The following ITSN1 variants were observed in gnomAD, a reference collection of about 807,000 sequenced individuals.
The protein encoded by ITSN1 is intersectin-1.
Under a neutral mutation model 239.8 loss-of-function variants are expected in ITSN1, and 58 were observed. The ratio of observed to expected loss-of-function variants is 0.24; its 90% confidence interval spans 0.20 to 0.30. The LOEUF is 0.30. Ranked by LOEUF, ITSN1 falls within the 10% of genes least tolerant of loss-of-function variation. The probability of loss-of-function intolerance (pLI) is 1.00; values close to 1 mark genes in which losing one functional copy is unlikely to be tolerated. For missense variants in ITSN1, 1,558 were observed against 2,103.3 expected (o/e 0.74, Z 5.07); for synonymous variants, 780 against 770.8 (o/e 1.01, Z -0.20).
At chr21:33,771,763 A>G (rs1325055520) in intron 11 of ITSN1, among the ~76,000 whole-genome samples, 1 of 152,208 alleles carries the variant, frequency 6.6e-6, no homozygotes, top group African/African-American at 2.4e-5. Context: ...TTCCTAGGGC[A>G]AGCTCATGGG....
chr21:33,688,648 G>C, intron 1 of ITSN1, among the ~76,000 whole-genome samples: 1 of 152,032 alleles, frequency 6.6e-6, no homozygotes, highest in East Asian at 1.9e-4. Context: ...AGCATGCAGA[G>C]GGAACAACAG....
chr21:33,702,318 T>C (rs2092061264), intron 1 of ITSN1, among the ~76,000 whole-genome samples: 1 of 151,988 alleles, frequency 6.6e-6, no homozygotes, highest in Non-Finnish European at 1.5e-5. Context: ...GGTTTTGCCA[T>C]GTTGGCCAGG....
chr21:33,809,428 TTC>T (rs1338969888), intron 20 of ITSN1, among the ~76,000 whole-genome samples: 2 of 152,210 alleles, frequency 1.3e-5, no homozygotes, highest in East Asian at 1.9e-4. Flanking sequence ...TTGCCTTGCA[TTC>T]TGTTTTCTCC....
At chr21:33,723,294 G>A (rs1178949590) in intron 4 of ITSN1, among the ~76,000 whole-genome samples, 1 of 152,122 alleles carries the variant, frequency 6.6e-6, no homozygotes, top group Non-Finnish European at 1.5e-5. Context: ...GAGTTAATTA[G>A]TGATACGAAG....
intron 1 of ITSN1, among the ~76,000 whole-genome samples, chr21:33,711,258 A>T (rs2092406683): frequency 6.6e-6 from 1 of 151,418 alleles, no homozygotes; most frequent in African/African-American, 2.4e-5. Context: ...ATTGATGGGG[A>T]TGCCCCTTAT....
rs570370106 is a variant in ITSN1, at chr21:33,852,016, G to A, written c.3662-4720G>A. On this transcript the variant is annotated intron_variant, in intron 29 of 39. Transcript: ENST00000381318. ...TTGCCCAGGCTGGTCATGAACTCCTGGGCTCAGGCAATCCACCCACCTCTG... is the reference window on the plus strand; with the variant it reads ...TTGCCCAGGCTGGTCATGAACTCCTAGGCTCAGGCAATCCACCCACCTCTG... Among the ~76,000 whole-genome samples the A allele has an allele frequency of 3.9e-5, 6 of 152,062 alleles. No individual in the cohort carries two copies. In the South Asian group the frequency reaches 1.2e-3, roughly 32 times the overall value.
chr21:33,648,338 G>C (rs931489973), intron 1 of ITSN1, among the ~76,000 whole-genome samples: 10 of 152,184 alleles, frequency 6.6e-5, no homozygotes, highest in Admixed American at 4.6e-4. Flanking sequence ...AGCAATTAGA[G>C]AGCCAGCAAG....
At chr21:33,852,880 C>T (rs946372262) in intron 29 of ITSN1, among the ~76,000 whole-genome samples, 3 of 152,180 alleles carry the variant, frequency 2.0e-5, no homozygotes, top group East Asian at 1.9e-4. Flanking sequence ...GAAAAGGCCA[C>T]GTCCCTCCAC....
At chr21:33,785,692 T>TAA (rs2070606711) in intron 16 of ITSN1, among the ~76,000 whole-genome samples, 1 of 152,200 alleles carries the variant, frequency 6.6e-6, no homozygotes, top group African/African-American at 2.4e-5. Context: ...GTTGAAAACA[T>TAA]AAGGCATACT....
chr21:33,853,022 T>G (rs1050521529), intron 29 of ITSN1, among the ~76,000 whole-genome samples: 1 of 152,242 alleles, frequency 6.6e-6, no homozygotes, highest in Non-Finnish European at 1.5e-5. Flanking sequence ...TCAAAATGCC[T>G]ATTTCAAATC....
intron 21 of ITSN1, 46 bp from the exon 22 acceptor site, chr21:33,813,867 T>C (rs1414509563): frequency 6.4e-7 from 1 of 1,563,192 alleles, no homozygotes; most frequent in Non-Finnish European, 8.7e-7. Flanking sequence ...AAAGCTGGTA[T>C]ATTAGGGAGT....
intron 1 of ITSN1, among the ~76,000 whole-genome samples, chr21:33,657,172 C>T (rs2089163782): frequency 6.6e-6 from 1 of 152,228 alleles, no homozygotes; most frequent in African/African-American, 2.4e-5. Flanking sequence ...TTTTCAACCC[C>T]TGCCCCCGTT....
intron 1 of ITSN1, among the ~76,000 whole-genome samples, chr21:33,653,564 C>T (rs1385536757): frequency 4.6e-5 from 7 of 151,906 alleles, no homozygotes; most frequent in Admixed American, 6.6e-5. Context: ...GCTCTGTTGC[C>T]CAGGCTGGAG....
intron 16 of ITSN1, among the ~76,000 whole-genome samples, chr21:33,792,350 G>A (rs867890634): frequency 2.0e-5 from 3 of 152,220 alleles, no homozygotes; most frequent in African/African-American, 4.8e-5. Context: ...GACTGCAGGC[G>A]CCTGCCACCA....
At chr21:33,680,933 T>A (rs2146516060) in intron 1 of ITSN1, among the ~76,000 whole-genome samples, 1 of 152,358 alleles carries the variant, frequency 6.6e-6, no homozygotes, top group South Asian at 2.1e-4. Context: ...TTTTGCTAAA[T>A]TATGTTGTGG....
chr21:33,650,536 A>G (rs1389755186), intron 1 of ITSN1, among the ~76,000 whole-genome samples: 1 of 152,220 alleles, frequency 6.6e-6, no homozygotes, highest in East Asian at 1.9e-4. Flanking sequence ...TGTTATCTAT[A>G]ATAGGAGTGT....
rs933729649 is a variant in ITSN1 at position 33,697,585 on chromosome 21, T to C, written c.-32-21212T>C. 5.3e-5 allele frequency among the ~76,000 whole-genome samples: 8 copies of C among 152,310 alleles called. No individual in the cohort carries two copies. The East Asian group carries it at 1.3e-3, about 26-fold the overall frequency. ...GTGAGTTGAAAATAGTTTAAACTTA[T>C]ACAATCTCATTATTAATTTGGCTGT... is the stretch of plus-strand genomic sequence containing the variant. On this transcript the variant is annotated intron_variant, in intron 1 of 39. Transcript: ENST00000381318.
chr21:33,841,500 G>A (rs1404584135), intron 29 of ITSN1, among the ~76,000 whole-genome samples: 2 of 152,174 alleles, frequency 1.3e-5, no homozygotes, highest in Admixed American at 1.3e-4. Flanking sequence ...AGACCATGCT[G>A]TCTCTCCAGT....
chr21:33,734,391 C>G (rs972882905), intron 4 of ITSN1, among the ~76,000 whole-genome samples: 5 of 152,132 alleles, frequency 3.3e-5, no homozygotes, highest in African/African-American at 1.2e-4. Flanking sequence ...AAATAGCAGA[C>G]ACATTTTGTA....
Sources: gnomAD v4.1 joint callset for allele counts (sites outside exome capture counted in the v4.1 genomes callset) on GRCh38, gnomAD v4.1.1 for gene constraint, MANE v1.5 for transcripts, NCBI Gene and HGNC (gene_info 2026-07-23, HGNC 2026-07-21) for gene names.